The following NPHS1 variants were observed in gnomAD, a reference collection of about 807,000 sequenced individuals.
The protein encoded by NPHS1 is nephrin.
Under a neutral mutation model 139.7 loss-of-function variants are expected in NPHS1, and 107 were observed. The observed-to-expected ratio is 0.77, with a 90% CI of 0.66 to 0.90. NPHS1 has a LOEUF of 0.90. Ranked by LOEUF, NPHS1 falls within the 40% of genes least tolerant of loss-of-function variation. NPHS1 has a pLI of 0.00. For missense variants in NPHS1, 1,580 were observed against 1,654.2 expected, an observed-to-expected ratio of 0.96 and a Z score of 0.78; for synonymous variants, 707 against 706.6, an observed-to-expected ratio of 1.00 and a Z score of -0.01.
In NPHS1 at chr19:35,844,431, C is replaced by T. The variant is rs1300823503; in HGVS notation, c.1959G>A (p.Val653=). The part of the protein sequence containing the change: ...LYRPEFLGEQ[V]LVVTAVEQGE... ...CCTGCTCCACCGCGGTCACCACCAGCACCTGCTCCCCCAGGAACTCTGGAC... is the reference window on the plus strand; with the variant it reads ...CCTGCTCCACCGCGGTCACCACCAGTACCTGCTCCCCCAGGAACTCTGGAC... Residue 653 remains valine (V), a synonymous_variant, in exon 15 of 29, where the codon GTG becomes GTA. Coordinates refer to ENST00000378910, the MANE Select transcript of NPHS1 (RefSeq NM_004646.4). 3 of 1,595,184 alleles carry T rather than the reference C, an allele frequency of 1.9e-6. No homozygotes were observed. The African/African-American group carries it at 4.0e-5, about 21-fold the overall frequency.
chr19:35,831,333 C>T lies in NPHS1; in HGVS notation c.3350G>A (p.Ser1117Asn), dbSNP rs1972879084. Residue 1117 changes from serine to asparagine, a missense_variant, in exon 26 of 29, where the codon AGC becomes AAC. Transcript: ENST00000378910. ...EDRVRNEYEE[S>N]QWTGERDTQS... The stretch of plus-strand genomic sequence containing the variant: ...AGTGTCCCGCTCTCCTGTCCACTGG[C>T]TCTCCTCATATTCGTTCCTGACTCG... The T allele has an allele frequency of 6.2e-7, 1 of 1,614,116 alleles. No homozygotes were observed. Among genetic ancestry groups the T allele is most frequent in the South Asian group, 1.1e-5 (1 of 91,076 alleles).
chr19:35,827,216 A>G (rs965276601), intron 28 of NPHS1, among the ~76,000 whole-genome samples: 1 of 151,900 alleles, frequency 6.6e-6, no homozygotes, highest in Admixed American at 6.6e-5. Context: ...CCTGAGTTCA[A>G]TCGATCCACC....
Position 35,851,785 on chromosome 19 carries a change from G to A in NPHS1, c.53C>T (p.Thr18Ile). Residue 18 changes from threonine to isoleucine, a missense_variant, in exon 1 of 29, where the codon ACT (threonine) becomes ATT (isoleucine). Transcript: ENST00000378910. ...AAGGCTGGGATCCCACTCACCTTCA[G>A]TCAGCAGCCCCAGGAGCAGGAGAGA... ...RASLLLLGLLTEGLAQLAIPA... is the reference protein window; with the variant it reads ...RASLLLLGLLIEGLAQLAIPA... 1.9e-6 allele frequency: 3 copies of A among 1,553,674 alleles called. No homozygotes were observed. The highest frequency in any genetic ancestry group is 2.6e-6 in the Non-Finnish European group (3 of 1,148,116).
At position 35,826,508 on chromosome 19, in the gene NPHS1, G is replaced by C; in HGVS notation, c.*6C>G. 2 of 1,613,444 alleles carry C rather than the reference G, an allele frequency of 1.2e-6. No individual in the cohort carries two copies. Among genetic ancestry groups the C allele is most frequent in the Non-Finnish European group, 1.7e-6 (2 of 1,179,970 alleles). ...CAGGTGCAGGACAATGGGGTTGAGAGGGCTCTTACACCAGATGTCCCCTCA... is the reference window on the plus strand; with the variant it reads ...CAGGTGCAGGACAATGGGGTTGAGACGGCTCTTACACCAGATGTCCCCTCA... On this transcript the variant is annotated 3_prime_UTR_variant, in exon 29 of 29. Transcript: ENST00000378910.
rs149649169 is a variant in NPHS1, at chr19:35,849,309, C to T, written c.767G>A (p.Arg256Gln). 71 of 1,612,984 alleles carry T rather than the reference C, an allele frequency of 4.4e-5. No homozygotes were observed. The highest frequency in any genetic ancestry group is 3.5e-4 in the Middle Eastern group (2 of 5,634). Reference protein sequence around the residue: ...EWPGLDEGHVRAGQSLELPCV... With the variant: ...EWPGLDEGHVQAGQSLELPCV... Reference sequence around the variant, plus strand: ...CGGCAGCTCCAAGCTCTGTCCTGCCCGCACGTGCCCCTCATCCAGGCCTGG... The same window carrying T: ...CGGCAGCTCCAAGCTCTGTCCTGCCTGCACGTGCCCCTCATCCAGGCCTGG... Residue 256 changes from arginine (R) to glutamine (Q), a missense_variant, in exon 7 of 29, where the codon CGG (arginine) becomes CAG (glutamine). Transcript: ENST00000378910.
intron 22 of NPHS1, among the ~76,000 whole-genome samples, chr19:35,837,938 T>TAAAAAAAAAAAAAAAAAA (rs1200757977): frequency 1.0e-5 from 1 of 99,426 alleles, no homozygotes; most frequent in Non-Finnish European, 1.9e-5. Context: ...GTTATTCTCT[T>TAAAAAAAAAAAAAAAAAA]AAAAAAAAAA....
rs1430454426 is a variant in NPHS1 at position 35,849,862 on chromosome 19, T to C, written c.609-209A>G. ...GAGAGCCCCACATCTGACCAAAACT[T>C]TAGTGCTTGGGACTCTAGAACTGAG... On this transcript the variant is annotated intron_variant, in intron 5 of 28. Coordinates refer to ENST00000378910, the MANE Select transcript of NPHS1 (RefSeq NM_004646.4). 2.6e-5 allele frequency among the ~76,000 whole-genome samples: 4 copies of C among 152,048 alleles called. 1 individual carries two copies. The highest frequency in any genetic ancestry group is 2.6e-4 in the Admixed American group (4 of 15,262).
At chr19:35,831,024 G>A in intron 27 of NPHS1, 29 bp downstream of exon 27, 1 of 1,611,186 alleles carries the variant, frequency 6.2e-7, no homozygotes, top group Non-Finnish European at 8.5e-7. Flanking sequence ...ACCTCTGAGT[G>A]AGGGAATCCT....
intron 5 of NPHS1, 29 bp from the exon 6 acceptor site, chr19:35,849,682 C>A: frequency 6.5e-7 from 1 of 1,542,658 alleles, no homozygotes; most frequent in South Asian, 1.1e-5. Context: ...GTTATAGAGT[C>A]AGAGTCATCA....
chr19:35,847,344 C>A (rs888922369), intron 11 of NPHS1, among the ~76,000 whole-genome samples: 15 of 59,880 alleles, frequency 2.5e-4, no homozygotes, highest in African/African-American at 4.9e-4. Flanking sequence ...TGTGCCCAGC[C>A]TTTTTTTTTT....
chr19:35,829,069 T>C (rs1972838040), intron 28 of NPHS1, among the ~76,000 whole-genome samples: 1 of 152,230 alleles, frequency 6.6e-6, no homozygotes, highest in Non-Finnish European at 1.5e-5. Flanking sequence ...AAAGTGCCTG[T>C]CTGTTGTTTT....
chr19:35,844,457 G>C lies in NPHS1; in HGVS notation c.1933C>G (p.Arg645Gly). The change falls in exon 15 of 29, where the codon CGT becomes GGT. Residue 645 changes from arginine (R) to glycine (G), a missense_variant and splice_region_variant. Coordinates refer to ENST00000378910, the MANE Select transcript of NPHS1 (RefSeq NM_004646.4). ...SSFYRLNVLYRPEFLGEQVLV... is the reference protein window; with the variant it reads ...SSFYRLNVLYGPEFLGEQVLV... ...ACCTGCTCCCCCAGGAACTCTGGAC[G>C]GTCTTCAGAGGGGGCGCCGCAGGGA... The C allele has an allele frequency of 1.3e-6, 2 of 1,573,934 alleles. No homozygotes were observed. Among genetic ancestry groups the C allele is most frequent in the Non-Finnish European group, 1.7e-6 (2 of 1,161,570 alleles).
chr19:35,846,198 C>A lies in NPHS1; in HGVS notation c.1441-4G>T. On this transcript the variant is annotated splice_region_variant and splice_polypyrimidine_tract_variant and intron_variant, in intron 11 of 28. Transcript: ENST00000378910. ...ACTCGGTCACGGTGCGCGAGTCCTACGGGCCGGGAGTGACTGGGGTTCGCA... is the reference window on the plus strand; with the variant it reads ...ACTCGGTCACGGTGCGCGAGTCCTAAGGGCCGGGAGTGACTGGGGTTCGCA... 1.9e-6 allele frequency: 3 copies of A among 1,580,736 alleles called. No individual in the cohort carries two copies. The highest frequency in any genetic ancestry group is 2.6e-6 in the Non-Finnish European group (3 of 1,166,750).
chr19:35,847,344 C>CTT (rs34920536), intron 11 of NPHS1, among the ~76,000 whole-genome samples: 1,415 of 59,886 alleles, frequency 0.024, 380 homozygotes, highest in African/African-American at 0.065. Context: ...TGTGCCCAGC[C>CTT]TTTTTTTTTT....
At chr19:35,851,405 C>CA in intron 2 of NPHS1, 21 bp from the exon 3 acceptor site, 1 of 1,612,722 alleles carries the variant, frequency 6.2e-7, no homozygotes. Flanking sequence ...AGCCGGAAGT[C>CA]AGGGCCGCAG....
chr19:35,846,867 C>A (rs577548502), intron 11 of NPHS1, among the ~76,000 whole-genome samples: 3 of 152,058 alleles, frequency 2.0e-5, no homozygotes, highest in Admixed American at 1.3e-4. Context: ...TCTAGTCTTC[C>A]CCCCAAAGTT....
rs372401443 is a variant in NPHS1, at chr19:35,828,660, T to C, written c.3595-2015A>G. ...AAGTTCAAATTACAGTGTCCAAAAATTAAGTTTTGTAGGAACATAGCCACA... is the reference window on the plus strand; with the variant it reads ...AAGTTCAAATTACAGTGTCCAAAAACTAAGTTTTGTAGGAACATAGCCACA... On this transcript the variant is annotated intron_variant, in intron 28 of 28. Transcript: ENST00000378910. Among the ~76,000 whole-genome samples, 21 of 152,298 alleles carry C rather than the reference T, an allele frequency of 1.4e-4. 1 individual carries two copies. In the East Asian group the frequency reaches 1.5e-3, roughly 11 times the overall value.
At chr19:35,842,768 A>G (rs1165805766) in intron 17 of NPHS1, among the ~76,000 whole-genome samples, 4 of 151,880 alleles carry the variant, frequency 2.6e-5, no homozygotes. Context: ...TCACCCAACC[A>G]CTTATGCTTG....
At chr19:35,847,583 C>T (rs981075030) in intron 11 of NPHS1, among the ~76,000 whole-genome samples, 10 of 150,940 alleles carry the variant, frequency 6.6e-5, no homozygotes, top group African/African-American at 1.5e-4. Flanking sequence ...CTCTAACTCC[C>T]GACTTCAGGT....
Sources: allele counts gnomAD v4.1 joint callset (sites outside exome capture counted in the v4.1 genomes callset), GRCh38; gene constraint gnomAD v4.1.1; transcripts MANE v1.5; gene names NCBI Gene and HGNC (gene_info 2026-07-23, HGNC 2026-07-21).